Variants in TTBK1 observed in about 807,000 individuals in gnomAD.
TTBK1 encodes tau tubulin kinase 1.
TTBK1 carries 34 observed loss-of-function variants against 108.5 expected under a neutral mutation model. The observed-to-expected ratio is 0.31, with a 90% CI of 0.24 to 0.42. The LOEUF (loss-of-function observed/expected upper bound fraction) is 0.42. Ranked by LOEUF, TTBK1 falls within the 10% of genes least tolerant of loss-of-function variation. TTBK1 has a pLI of 1.00. For synonymous variants in TTBK1, 809 were observed against 795.1 expected (o/e 1.02, Z -0.29); for missense variants, 1,539 against 1,826.0 (o/e 0.84, Z 2.86).
intron 13 of TTBK1, among the ~76,000 whole-genome samples, chr6:43,281,794 G>C (rs1778171333): frequency 6.6e-6 from 1 of 152,178 alleles, no homozygotes; most frequent in African/African-American, 2.4e-5. Flanking sequence ...GAACAAAGCT[G>C]TGTCAGCCCT....
At chr6:43,254,417 C>A in intron 5 of TTBK1, 130 bp from the exon 6 acceptor site, 1 of 601,080 alleles carries the variant, frequency 1.7e-6, no homozygotes, top group South Asian at 2.4e-5. Flanking sequence ...TGAATACTGA[C>A]GTTTCCTTGC....
rs747752435 is a variant in TTBK1 at position 43,269,755 on chromosome 6, C to CCGG, written c.1986+6416_1986+6418dup. 36 of 1,602,544 alleles carry CCGG rather than the reference C, an allele frequency of 2.2e-5. No homozygotes were observed. The South Asian group carries it at 3.7e-4, about 16-fold the overall frequency. ...CTGGAGACGGAGCATTACCCTCACC[C>CCGG]CGGCGGCGGCGGCTCCTCGGGCTCC... is the stretch of plus-strand genomic sequence containing the variant. On this transcript the variant is annotated intron_variant, in intron 13 of 14. Coordinates refer to ENST00000259750, the MANE Select transcript of TTBK1 (RefSeq NM_032538.3). The surrounding 1 kb of genome is among the most constrained non-coding windows in gnomAD (Gnocchi z 4.8).
In TTBK1 at chr6:43,253,167, G is replaced by A. The variant is rs1777290785; in HGVS notation, c.257-124G>A. 2 of 1,113,528 alleles carry A rather than the reference G, an allele frequency of 1.8e-6. No individual in the cohort carries two copies. Among genetic ancestry groups the A allele is most frequent in the South Asian group, 2.5e-5 (2 of 79,698 alleles). The allele number at this position is 1,113,528 out of a possible 1,614,324, so 69.0% of individuals were successfully genotyped here. A position where few individuals can be genotyped will look rare whatever the true frequency, so the allele number is the denominator to read the frequency against. Reference sequence around the variant, plus strand: ...GAGGCTAGGGCCAGGGAGGTGGCAAGACAGGTGCTCACAGGGCCAGCACTG... The same window carrying A: ...GAGGCTAGGGCCAGGGAGGTGGCAAAACAGGTGCTCACAGGGCCAGCACTG... On this transcript the variant is annotated intron_variant, in intron 3 of 14. Transcript: ENST00000259750. This position sits in a 1 kb window ranked among gnomAD's most constrained non-coding sequence, Gnocchi z 5.8.
At chr6:43,280,027 C>CT (rs1435936001) in intron 13 of TTBK1, among the ~76,000 whole-genome samples, 3 of 151,968 alleles carry the variant, frequency 2.0e-5, no homozygotes, top group African/African-American at 7.2e-5. Context: ...TCTAAGAAAA[C>CT]TTTCTAACTA....
At chr6:43,247,658 G>T (rs1777130181) in intron 2 of TTBK1, among the ~76,000 whole-genome samples, 1 of 152,108 alleles carries the variant, frequency 6.6e-6, no homozygotes, top group Admixed American at 6.5e-5. Context: ...GTGTGTGCGT[G>T]TGTGCTTGGC....
chr6:43,262,403 C>A (rs748193854), intron 12 of TTBK1, among the ~76,000 whole-genome samples: 2 of 152,072 alleles, frequency 1.3e-5, no homozygotes, highest in Non-Finnish European at 2.9e-5. Flanking sequence ...CAGCCACTGG[C>A]GGGTGTGAGC....
At chr6:43,254,920 C>A in intron 6 of TTBK1, 129 bp from the exon 7 acceptor site, 1 of 965,132 alleles carries the variant, frequency 1.0e-6, no homozygotes, top group Non-Finnish European at 1.7e-6. Context: ...ACTGGAAGGT[C>A]AGAGAGCAGG....
intron 13 of TTBK1, among the ~76,000 whole-genome samples, chr6:43,281,729 G>C (rs1778168673): frequency 6.6e-6 from 1 of 152,182 alleles, no homozygotes; most frequent in African/African-American, 2.4e-5. Context: ...CAGAAGCCCA[G>C]CGTGTTCGAA....
chr6:43,263,213 C>T lies in TTBK1; in HGVS notation c.1849C>T (p.Pro617Ser), dbSNP rs1467289464. Residue 617 changes from proline (P) to serine (S), a missense_variant, in exon 13 of 15, where the codon CCA (proline) becomes TCA (serine). This residue lies in a region of TTBK1 where 1,055 missense variants were observed against 1,086.5 expected (regional missense o/e 0.97). Transcript: ENST00000259750. The surrounding 1 kb of genome is among the most constrained non-coding windows in gnomAD (Gnocchi z 4.7). ...GCAGCATTTGCCGCCCCAGCCCCTG[C>T]CACCCCAGCTGAGCCAGGGCGATGG... ...DLQHLPPQPLPPQLSQGDGRS... is the reference protein window; with the variant it reads ...DLQHLPPQPLSPQLSQGDGRS... 2.5e-6 allele frequency: 4 copies of T among 1,578,680 alleles called. No individual in the cohort carries two copies. The highest frequency in any genetic ancestry group is 1.2e-5 in the South Asian group (1 of 86,442).
rs767676027 is a variant in TTBK1 at position 43,255,664 on chromosome 6, G to A, written c.735+20G>A. ...GACAAGGTGAGCCCCAGGCAGCTGG[G>A]TCTGAGGTGGCAGAAGGAGTGTCAG... On this transcript the variant is annotated intron_variant, in intron 8 of 14. Transcript: ENST00000259750. The A allele has an allele frequency of 3.2e-5, 51 of 1,614,046 alleles. No homozygotes were observed. The highest frequency in any genetic ancestry group is 4.2e-5 in the Non-Finnish European group (50 of 1,180,022).
intron 9 of TTBK1, among the ~76,000 whole-genome samples, chr6:43,256,143 T>G (rs1582483340): frequency 7.8e-6 from 1 of 128,568 alleles, no homozygotes; most frequent in East Asian, 2.0e-4. Context: ...TTCCAGCTCT[T>G]TTTTTTTTTT....
In TTBK1 at chr6:43,284,218, A is replaced by G. The variant is rs1207863250; in HGVS notation, c.3478A>G (p.Ile1160Val). The change falls in exon 14 of 15, where the codon ATT (isoleucine) becomes GTT (valine). Residue 1160 changes from isoleucine to valine, a missense_variant. Ile to Val is a conservative substitution (Grantham distance 29). Around this residue, in one of 5 missense-constraint regions of TTBK1, gnomAD observed 1,055 missense variants for 1,086.5 expected, o/e 0.97. Coordinates refer to ENST00000259750, the MANE Select transcript of TTBK1 (RefSeq NM_032538.3). ...AATRSRIPRP[I>V]GLRMPMPVAA... The stretch of plus-strand genomic sequence containing the variant: ...CACCAGGAGCCGGATTCCCCGCCCC[A>G]TTGGCCTCCGCATGCCCATGCCTGT... 2.5e-6 allele frequency: 4 copies of G among 1,594,074 alleles called. No individual in the cohort carries two copies. Among genetic ancestry groups the G allele is most frequent in the Non-Finnish European group, 3.4e-6 (4 of 1,177,818 alleles).
At chr6:43,258,073 T>C (rs1024891714) in intron 10 of TTBK1, 107 bp downstream of exon 10, 15 of 1,303,706 alleles carry the variant, frequency 1.2e-5, no homozygotes, top group Middle Eastern at 2.6e-4. Flanking sequence ...CTTGGCTATC[T>C]TTCCTATCCT....
At chr6:43,270,058 T>C in intron 13 of TTBK1, 1 of 1,413,944 alleles carries the variant, frequency 7.1e-7, no homozygotes, top group Non-Finnish European at 9.2e-7. Flanking sequence ...ACACATCCCA[T>C]CCCACCCCAT....
chr6:43,255,160 A>G, intron 7 of TTBK1, 46 bp downstream of exon 7: 1 of 1,296,568 alleles, frequency 7.7e-7, no homozygotes, highest in Non-Finnish European at 1.1e-6. Flanking sequence ...TGGGAGGGGC[A>G]AGGTCGGGGT....
chr6:43,257,623 G>A lies in TTBK1; in HGVS notation c.862-189G>A, dbSNP rs537860237. On this transcript the variant is annotated intron_variant, in intron 9 of 14. Transcript: ENST00000259750. This position sits in a 1 kb window ranked among gnomAD's most constrained non-coding sequence, Gnocchi z 4.5. Reference sequence around the variant, plus strand: ...CTTAATCCAAGATGATAATTTGCATGTTGATTTGCATATCATGTGCATGTT... The same window carrying A: ...CTTAATCCAAGATGATAATTTGCATATTGATTTGCATATCATGTGCATGTT... Among the ~76,000 whole-genome samples the A allele has an allele frequency of 6.8e-4, 104 of 152,232 alleles. No individual in the cohort carries two copies. The highest frequency in any genetic ancestry group is 2.4e-3 in the African/African-American group (100 of 41,520).
chr6:43,255,543 C>G lies in TTBK1; in HGVS notation c.643-9C>G, dbSNP rs137935648. On this transcript the variant is annotated splice_polypyrimidine_tract_variant and intron_variant, in intron 7 of 14. Coordinates refer to ENST00000259750, the MANE Select transcript of TTBK1 (RefSeq NM_032538.3). ...AGAGCTGCAGGTGACTCCCTCCCCC[C>G]ACCTCCAGGAGATGGGCCGCCACGA... The G allele has an allele frequency of 3.1e-6, 5 of 1,592,382 alleles. No individual in the cohort carries two copies. Among genetic ancestry groups the G allele is most frequent in the Non-Finnish European group, 4.3e-6 (5 of 1,169,864 alleles).
chr6:43,283,521 G>A lies in TTBK1; in HGVS notation c.2781G>A (p.Glu927=), dbSNP rs748885834. The A allele has an allele frequency of 6.2e-7, 1 of 1,614,162 alleles. No individual in the cohort carries two copies. The highest frequency in any genetic ancestry group is 8.5e-7 in the Non-Finnish European group (1 of 1,180,004). The stretch of plus-strand genomic sequence containing the variant: ...CCTCCTCACCCTTCACCAAAGTTGA[G>A]AGGACCTTTGTGCACATTGCGGAGA... ...AVTSSPFTKV[E]RTFVHIAEKT... The change falls in exon 14 of 15, where the codon GAG becomes GAA. Residue 927 remains glutamate, a synonymous_variant. Coordinates refer to ENST00000259750, the MANE Select transcript of TTBK1 (RefSeq NM_032538.3). The surrounding 1 kb of genome is among the most constrained non-coding windows in gnomAD (Gnocchi z 8.1).
intron 13 of TTBK1, among the ~76,000 whole-genome samples, chr6:43,266,432 C>T (rs1263226982): frequency 6.6e-6 from 1 of 152,206 alleles, no homozygotes; most frequent in East Asian, 1.9e-4. Flanking sequence ...CATGTATATT[C>T]TTCACAACAA....
Sources: allele counts gnomAD v4.1 joint callset (sites outside exome capture counted in the v4.1 genomes callset), GRCh38; gene constraint gnomAD v4.1.1; regional missense constraint gnomAD v4.1.1; non-coding constraint Gnocchi (gnomAD v3.1); transcripts MANE v1.5; gene names NCBI Gene and HGNC (gene_info 2026-07-23, HGNC 2026-07-21).